Variants in SCFD1 observed in about 807,000 individuals in gnomAD.
SCFD1 encodes the protein sec1 family domain-containing protein 1.
Under a neutral mutation model 103.2 loss-of-function variants are expected in SCFD1, and 37 were observed. That is an observed-to-expected ratio of 0.36 (90% CI 0.28 to 0.47). The LOEUF (loss-of-function observed/expected upper bound fraction) is 0.47. SCFD1 is among the 20% of genes least tolerant of loss of function. The pLI is 1.00. For synonymous variants in SCFD1, 264 were observed against 245.0 expected, an observed-to-expected ratio of 1.08 and a Z score of -0.73; for missense variants, 639 against 761.2, an observed-to-expected ratio of 0.84 and a Z score of 1.89.
chr14:30,704,654 T>G (rs1418676586), intron 17 of SCFD1, among the ~76,000 whole-genome samples: 1 of 152,174 alleles, frequency 6.6e-6, no homozygotes, highest in Non-Finnish European at 1.5e-5. Flanking sequence ...AGATTGAAAT[T>G]GAATATTTTT....
intron 10 of SCFD1, among the ~76,000 whole-genome samples, chr14:30,667,885 GC>G: frequency 6.6e-6 from 1 of 152,254 alleles, no homozygotes; most frequent in East Asian, 1.9e-4. Context: ...ACAAACCACT[GC>G]TCAACGAAAT....
At chr14:30,622,468 T>A in intron 1 of SCFD1, 69 bp downstream of exon 1, 1 of 1,534,842 alleles carries the variant, frequency 6.5e-7, no homozygotes, top group South Asian at 1.2e-5. Flanking sequence ...CTCTGGTGCG[T>A]GCAGCTCAGA....
At position 30,734,842 on chromosome 14, in the gene SCFD1, C is replaced by T; in HGVS notation, c.1889C>T (p.Thr630Ile). ...LYGCSELFNA[T>I]QFIKQLSQLG... The stretch of plus-strand genomic sequence containing the variant: ...GGCTGCAGTGAGCTTTTTAATGCTA[C>T]ACAGTTCATAAAACAGGTAAAGTAT... The change falls in exon 24 of 25, where the codon ACA becomes ATA. Residue 630 changes from threonine (T) to isoleucine (I), a missense_variant. Coordinates refer to ENST00000458591, the MANE Select transcript of SCFD1 (RefSeq NM_016106.4). 2 of 1,612,032 alleles carry T rather than the reference C, an allele frequency of 1.2e-6. No homozygotes were observed. Among genetic ancestry groups the T allele is most frequent in the East Asian group, 4.5e-5 (2 of 44,810 alleles).
intron 19 of SCFD1, among the ~76,000 whole-genome samples, chr14:30,715,070 C>T (rs1290698736): frequency 6.6e-6 from 1 of 152,156 alleles, no homozygotes; most frequent in Non-Finnish European, 1.5e-5. Flanking sequence ...TGCAGTGCAA[C>T]ATTGAAAACT....
intron 10 of SCFD1, among the ~76,000 whole-genome samples, chr14:30,669,503 G>A (rs1888339556): frequency 6.6e-6 from 1 of 151,950 alleles, no homozygotes; most frequent in African/African-American, 2.4e-5. Context: ...TTGCCTAATG[G>A]TTTTTGTGGG....
intron 4 of SCFD1, chr14:30,634,759 T>C: frequency 2.2e-6 from 1 of 453,410 alleles, no homozygotes; most frequent in Non-Finnish European, 4.4e-6. Flanking sequence ...TTTAGTTTGT[T>C]GGTTTTCCTT....
At chr14:30,719,904 G>A (rs1434670588) in intron 21 of SCFD1, among the ~76,000 whole-genome samples, 2 of 147,572 alleles carry the variant, frequency 1.4e-5, no homozygotes, top group Non-Finnish European at 3.0e-5. Context: ...GATTTAATTA[G>A]CGGTGGTATG....
Position 30,673,971 on chromosome 14 carries a change from T to C in SCFD1, c.1134T>C (p.Asn378=). ...GAGCCATAAGTATGCTTTCTGACAATACCGCTAAGCTAACATCAGCTGTTA... is the reference window on the plus strand; with the variant it reads ...GAGCCATAAGTATGCTTTCTGACAACACCGCTAAGCTAACATCAGCTGTTA... ...DEGAISMLSD[N]TAKLTSAVSS... is the part of the protein sequence containing the mutation. Residue 378 remains asparagine (N), a synonymous_variant, in exon 13 of 25, where the codon AAT becomes AAC. Coordinates refer to ENST00000458591, the MANE Select transcript of SCFD1 (RefSeq NM_016106.4). 1 of 1,613,688 alleles carries C rather than the reference T, an allele frequency of 6.2e-7. No homozygotes were observed. The highest frequency in any genetic ancestry group is 1.1e-5 in the South Asian group (1 of 91,070).
At position 30,649,578 on chromosome 14, in the gene SCFD1, G is replaced by A; in HGVS notation, c.664G>A (p.Ala222Thr). ...CSRGTAAEMV[A>T]VKLDKKLREN... ...AAGAGGAACAGCAGCAGAAATGGTA[G>A]CAGTGGTAAGTTCATGCGGATATCA... The change falls in exon 8 of 25, where the codon GCA becomes ACA. Residue 222 changes from alanine to threonine, a missense_variant. Transcript: ENST00000458591. 1.9e-6 allele frequency: 3 copies of A among 1,569,670 alleles called. No homozygotes were observed. Among genetic ancestry groups the A allele is most frequent in the South Asian group, 2.4e-5 (2 of 83,800 alleles).
At chr14:30,630,629 G>A (rs1884012121) in intron 3 of SCFD1, 64 bp downstream of exon 3, 3 of 987,348 alleles carry the variant, frequency 3.0e-6, no homozygotes, top group Non-Finnish European at 4.8e-6. Context: ...GAAAAATAGT[G>A]TTAGGTTACA....
intron 4 of SCFD1, chr14:30,635,107 G>A (rs1406819446): frequency 2.7e-6 from 1 of 375,752 alleles, no homozygotes; most frequent in Non-Finnish European, 5.2e-6. Context: ...TATTTAAATT[G>A]TTAGTGACGT....
intron 14 of SCFD1, among the ~76,000 whole-genome samples, chr14:30,694,458 G>A (rs1372172493): frequency 1.3e-5 from 2 of 151,900 alleles, no homozygotes; most frequent in African/African-American, 2.4e-5. Flanking sequence ...GATTGCTTGA[G>A]CTCAGGAGTT....
intron 19 of SCFD1, among the ~76,000 whole-genome samples, chr14:30,708,769 T>C (rs1891658403): frequency 6.6e-6 from 1 of 152,166 alleles, no homozygotes; most frequent in Non-Finnish European, 1.5e-5. Flanking sequence ...ATAGAATTTA[T>C]ATTTGGGGAT....
intron 17 of SCFD1, among the ~76,000 whole-genome samples, chr14:30,704,027 G>A (rs1314821169): frequency 7.0e-6 from 1 of 142,990 alleles, no homozygotes; most frequent in Non-Finnish European, 1.5e-5. Context: ...TGTCTCATAT[G>A]CATAGCCTAA....
intron 10 of SCFD1, among the ~76,000 whole-genome samples, chr14:30,662,758 G>A (rs1340664449): frequency 2.6e-5 from 4 of 152,172 alleles, no homozygotes; most frequent in African/African-American, 9.7e-5. Context: ...ATTATCCAGA[G>A]ATTATTTTGT....
intron 14 of SCFD1, among the ~76,000 whole-genome samples, chr14:30,679,253 A>T (rs561522240): frequency 4.0e-5 from 6 of 149,398 alleles, no homozygotes; most frequent in Admixed American, 3.3e-4. Context: ...CTTACTAATG[A>T]GTTATTTGTG....
intron 10 of SCFD1, among the ~76,000 whole-genome samples, chr14:30,665,946 A>G (rs915517227): frequency 2.0e-5 from 3 of 152,166 alleles, no homozygotes; most frequent in Non-Finnish European, 4.4e-5. Context: ...AGAGACTTAG[A>G]CTCCCACACA....
At chr14:30,698,987 A>T (rs1890889974) in intron 15 of SCFD1, among the ~76,000 whole-genome samples, 1 of 152,206 alleles carries the variant, frequency 6.6e-6, no homozygotes, top group Non-Finnish European at 1.5e-5. Context: ...AGGTTTTGAA[A>T]ATAGAATCGA....
chr14:30,665,600 A>G (rs891645450), intron 10 of SCFD1, among the ~76,000 whole-genome samples: 1 of 152,200 alleles, frequency 6.6e-6, no homozygotes, highest in East Asian at 1.9e-4. Flanking sequence ...AGACTGGCAA[A>G]TTGGATAAAG....
Sources: gnomAD v4.1 joint callset for allele counts (sites outside exome capture counted in the v4.1 genomes callset) on GRCh38, gnomAD v4.1.1 for gene constraint, MANE v1.5 for transcripts, NCBI Gene and HGNC (gene_info 2026-07-23, HGNC 2026-07-21) for gene names.